Variants in CD46 observed in about 807,000 individuals in gnomAD.
CD46 encodes the protein membrane cofactor protein.
In CD46, 30 loss-of-function variants were observed where a neutral mutation model predicts 53.3. The ratio of observed to expected loss-of-function variants is 0.56; its 90% CI spans 0.42 to 0.76. The LOEUF (loss-of-function observed/expected upper bound fraction) is 0.76, where lower values mean the gene tolerates loss of function less well. Ranked by LOEUF, CD46 falls within the 30% of genes least tolerant of loss-of-function variation. The pLI is 0.00. For missense variants in CD46, 409 were observed against 463.0 expected (o/e 0.88, Z 1.07); for synonymous variants, 142 against 152.0 (o/e 0.93, Z 0.48).
In CD46 at chr1:207,770,648, C is replaced by A. The variant is rs191197107; in HGVS notation, c.943+286C>A. On this transcript the variant is annotated intron_variant, in intron 8 of 12. Transcript: ENST00000367042. ...ACTCCTACCTATGAGTGAGAACATG[C>A]GGTGTTTGGTTTTCTGTCCTTGTGA... Among the ~76,000 whole-genome samples, 23 of 152,184 alleles carry A rather than the reference C, an allele frequency of 1.5e-4. No individual in the cohort carries two copies. The East Asian group carries it at 4.4e-3, about 29-fold the overall frequency.
chr1:207,778,148 G>A (rs1658317598), intron 8 of CD46, among the ~76,000 whole-genome samples: 2 of 151,938 alleles, frequency 1.3e-5, no homozygotes, highest in African/African-American at 4.8e-5. Context: ...TTTTTCTCTT[G>A]TAAATTTTTT....
intron 6 of CD46, 100 bp downstream of exon 6, chr1:207,767,295 C>T (rs1656968968): frequency 9.3e-7 from 1 of 1,074,888 alleles, no homozygotes; most frequent in African/African-American, 1.6e-5. Flanking sequence ...TACAAAATAA[C>T]TGAAAAGAAA....
At chr1:207,772,222 G>A (rs1222982068) in intron 8 of CD46, among the ~76,000 whole-genome samples, 1 of 152,128 alleles carries the variant, frequency 6.6e-6, no homozygotes, top group East Asian at 1.9e-4. Flanking sequence ...TGGTGTATAG[G>A]AATGCTTGTG....
In CD46 at chr1:207,757,532, T is replaced by G. The variant is rs1043971185; in HGVS notation, c.287-8T>G. On this transcript the variant is annotated splice_region_variant and splice_polypyrimidine_tract_variant and intron_variant, in intron 2 of 12. Transcript: ENST00000367042. ...GGATTGAAAACTATCAAAATTATTT[T>G]CTTTCAGGAGAAACATGTCCATATA... 5.8e-6 allele frequency: 9 copies of G among 1,556,418 alleles called. No homozygotes were observed. The highest frequency in any genetic ancestry group is 8.0e-6 in the Non-Finnish European group (9 of 1,131,594).
chr1:207,768,116 TAGTA>T, intron 7 of CD46: 1 of 347,008 alleles, frequency 2.9e-6, no homozygotes, highest in South Asian at 2.9e-5. Flanking sequence ...TATTGGGTAT[TAGTA>T]AGGTATAAGT....
rs1399763128 is a variant in CD46 at position 207,757,770 on chromosome 1, A to G, written c.389+128A>G. On this transcript the variant is annotated intron_variant, in intron 3 of 12. Transcript: ENST00000367042. ...GACAAGTTATACTTCTAGCCAAACAACTCTTGGATGTTTTATGGAGATAGG... is the reference window on the plus strand; with the variant it reads ...GACAAGTTATACTTCTAGCCAAACAGCTCTTGGATGTTTTATGGAGATAGG... 4.3e-6 allele frequency: 3 copies of G among 698,286 alleles called. No homozygotes were observed. The Admixed American group carries it at 6.2e-5, about 14-fold the overall frequency. The allele number at this position is 698,286 out of a possible 1,614,324, so 43.3% of individuals were successfully genotyped here.
rs1427707865 is a variant in CD46, at chr1:207,794,940, T to G, written c.*1463T>G. ...TTGGAAAATCAAGAGTGTAGAAGAA[T>G]AAATACTGTTTTACTGTCCAAAGAC... On this transcript the variant is annotated 3_prime_UTR_variant, in exon 13 of 13. Transcript: ENST00000367042. 6.6e-6 allele frequency: 1 copy of G among 152,234 alleles called. No homozygotes were observed. Among genetic ancestry groups the G allele is most frequent in the African/African-American group, 2.4e-5 (1 of 41,476 alleles). The allele number at this position is 152,234 out of a possible 1,614,324, so 9.4% of individuals were successfully genotyped here.
intron 11 of CD46, among the ~76,000 whole-genome samples, chr1:207,789,193 A>G (rs544550951): frequency 6.6e-6 from 1 of 152,198 alleles, no homozygotes; most frequent in Non-Finnish European, 1.5e-5. Flanking sequence ...GCATCCCTGG[A>G]TAAGTGACAG....
At chr1:207,779,829 A>G (rs1179926995) in intron 8 of CD46, among the ~76,000 whole-genome samples, 1 of 149,552 alleles carries the variant, frequency 6.7e-6, no homozygotes, top group Non-Finnish European at 1.5e-5. Context: ...GTCAATTTGT[A>G]TCATACATTG....
At chr1:207,765,419 A>T (rs546941942) in intron 5 of CD46, among the ~76,000 whole-genome samples, 1 of 152,182 alleles carries the variant, frequency 6.6e-6, no homozygotes, top group Non-Finnish European at 1.5e-5. Context: ...CTTAGTGGTT[A>T]AAAAAACCTT....
chr1:207,753,791 C>A (rs1002127356), intron 1 of CD46, among the ~76,000 whole-genome samples: 1 of 152,172 alleles, frequency 6.6e-6, no homozygotes, highest in Non-Finnish European at 1.5e-5. Context: ...CCTTCATGTG[C>A]GCGTCATGTG....
intron 5 of CD46, among the ~76,000 whole-genome samples, chr1:207,766,346 A>G (rs1558055684): frequency 6.6e-6 from 1 of 152,210 alleles, no homozygotes; most frequent in Non-Finnish European, 1.5e-5. Flanking sequence ...AGGTACAATT[A>G]GACACAACAA....
Position 207,752,237 on chromosome 1 carries a change from T to C in CD46, c.25T>C (p.Cys9Arg). 6.2e-7 allele frequency: 1 copy of C among 1,614,042 alleles called. No homozygotes were observed. Residue 9 changes from cysteine to arginine, a missense_variant, in exon 1 of 13, where the codon TGT (cysteine) becomes CGT (arginine). Cys to Arg is a radical substitution (Grantham distance 180). Coordinates refer to ENST00000367042, the MANE Select transcript of CD46 (RefSeq NM_172351.3). The surrounding 1 kb of genome is among the most constrained non-coding windows in gnomAD (Gnocchi z 4.1). MEPPGRRE[C>R]PFPSWRFPGL... ...CATGGAGCCTCCCGGCCGCCGCGAG[T>C]GTCCCTTTCCTTCCTGGCGCTTTCC...
At chr1:207,790,179 A>ACT in intron 11 of CD46, 74 bp from the exon 12 acceptor site, 1 of 804,780 alleles carries the variant, frequency 1.2e-6, no homozygotes, top group Non-Finnish European at 2.3e-6. Flanking sequence ...ATTTTATCCC[A>ACT]CTTGTTATGC....
At chr1:207,771,455 T>C (rs188060470) in intron 8 of CD46, among the ~76,000 whole-genome samples, 181 of 152,298 alleles carry the variant, frequency 1.2e-3, no homozygotes, top group Non-Finnish European at 1.7e-3. Flanking sequence ...GGTGTTTTAG[T>C]TATGAAGTAT....
rs538348160 is a variant in CD46, at chr1:207,757,425, A to G, written c.287-115A>G. ...GAATCTTAAGTTTGCCCTTATAATA[A>G]GTAAATAATGAAAATTATATTCCCA... On this transcript the variant is annotated intron_variant, in intron 2 of 12. Transcript: ENST00000367042. 3.8e-5 allele frequency: 30 copies of G among 799,892 alleles called. No individual in the cohort carries two copies. In the Middle Eastern group the frequency reaches 1.1e-3, roughly 29 times the overall value. The allele number at this position is 799,892 out of a possible 1,614,324, so 49.5% of individuals were successfully genotyped here.
At chr1:207,789,201 CAGT>C (rs760933620) in intron 11 of CD46, among the ~76,000 whole-genome samples, 10 of 152,134 alleles carry the variant, frequency 6.6e-5, no homozygotes, top group Non-Finnish European at 1.3e-4. Context: ...GGATAAGTGA[CAGT>C]TTGGCTAAGT....
At chr1:207,770,569 C>T (rs1004083859) in intron 8 of CD46, among the ~76,000 whole-genome samples, 7 of 152,094 alleles carry the variant, frequency 4.6e-5, no homozygotes, top group African/African-American at 1.7e-4. Context: ...TAACCCCTGA[C>T]AGGCCCCAGT....
At chr1:207,771,371 CT>C (rs1450582816) in intron 8 of CD46, among the ~76,000 whole-genome samples, 1 of 152,174 alleles carries the variant, frequency 6.6e-6, no homozygotes, top group African/African-American at 2.4e-5. Flanking sequence ...ATGATAGTTT[CT>C]TTTGCTGTGC....
Sources: allele counts gnomAD v4.1 joint callset (sites outside exome capture counted in the v4.1 genomes callset), GRCh38; gene constraint gnomAD v4.1.1; non-coding constraint Gnocchi (gnomAD v3.1); transcripts MANE v1.5; gene names NCBI Gene and HGNC (gene_info 2026-07-23, HGNC 2026-07-21).